The following PLCD1 variants were observed in gnomAD, a reference collection of about 807,000 sequenced individuals.
PLCD1 encodes the protein phospholipase C delta 1, also known as 1-phosphatidylinositol 4,5-bisphosphate phosphodiesterase delta-1.
PLCD1 carries 71 observed loss-of-function variants against 87.4 expected under a neutral mutation model. The observed-to-expected ratio is 0.81, with a 90% CI of 0.67 to 0.99. The LOEUF is 0.99. Among genes scored for constraint, PLCD1 ranks in the 50% least tolerant of loss-of-function variants. The pLI is 0.00. For synonymous variants in PLCD1, 348 were observed against 399.2 expected (o/e 0.87, Z 1.53); for missense variants, 867 against 1,001.5 (o/e 0.87, Z 1.81).
rs72864000 is a variant in PLCD1 at position 38,016,894 on chromosome 3, G to C, written c.200-175C>G. 6.0e-4 allele frequency among the ~76,000 whole-genome samples: 92 copies of C among 152,220 alleles called. No individual in the cohort carries two copies. The South Asian group carries it at 0.018, about 30-fold the overall frequency. Reference sequence around the variant, plus strand: ...GAGAGGGGCAGGAGGTTGGACAAGTGGGGGACAAAAAGGAGAAAGGAAGAC... The same window carrying C: ...GAGAGGGGCAGGAGGTTGGACAAGTCGGGGACAAAAAGGAGAAAGGAAGAC... On this transcript the variant is annotated intron_variant, in intron 2 of 14. Transcript: ENST00000334661.
chr3:38,015,621 A>T (rs1289015912), intron 3 of PLCD1, among the ~76,000 whole-genome samples: 3 of 152,232 alleles, frequency 2.0e-5, no homozygotes. Flanking sequence ...TGCCATAAAA[A>T]ATGGAGAGAG....
At chr3:38,021,430 G>A (rs530196149) in intron 1 of PLCD1, among the ~76,000 whole-genome samples, 2 of 152,256 alleles carry the variant, frequency 1.3e-5, no homozygotes, top group East Asian at 1.9e-4. Flanking sequence ...TGCTCTCAGA[G>A]GTGTGGGCTC....
intron 1 of PLCD1, among the ~76,000 whole-genome samples, chr3:38,022,365 C>A (rs1700247993): frequency 6.6e-6 from 1 of 152,210 alleles, no homozygotes; most frequent in African/African-American, 2.4e-5. Context: ...CCTCCGGCCT[C>A]CGGCGGGGAA....
chr3:38,019,871 A>C (rs543653702), intron 2 of PLCD1, among the ~76,000 whole-genome samples: 2 of 152,188 alleles, frequency 1.3e-5, no homozygotes, highest in African/African-American at 4.8e-5. Context: ...GGCTGTCCCC[A>C]TCTGTGGTCA....
chr3:38,009,000 AAACCCTCCTCC>A, intron 11 of PLCD1, 31 bp downstream of exon 11: 2 of 1,537,822 alleles, frequency 1.3e-6, no homozygotes, highest in African/African-American at 2.7e-5. Flanking sequence ...CTTGGGACTG[AAACCCTCCTCC>A]AGGCCTCCTC....
intron 1 of PLCD1, among the ~76,000 whole-genome samples, chr3:38,027,277 C>A (rs1700319795): frequency 1.3e-5 from 2 of 152,152 alleles, no homozygotes; most frequent in Admixed American, 1.3e-4. Flanking sequence ...CAGATGGCAA[C>A]TCATAGGGCA....
At position 38,010,235 on chromosome 3, in the gene PLCD1, A is replaced by G; in HGVS notation, c.1033T>C (p.Trp345Arg). The stretch of plus-strand genomic sequence containing the variant: ...ATTGGTTCCTGGTTGGGCCCGTCCC[A>G]GCAGTCAAGCTCCAGGCATCGGCAG... ...KGCRCLELDCWDGPNQEPIIY... is the reference protein window; with the variant it reads ...KGCRCLELDCRDGPNQEPIIY... The change falls in exon 7 of 15, where the codon TGG (tryptophan) becomes CGG (arginine). Residue 345 changes from tryptophan (W) to arginine (R), a missense_variant. Transcript: ENST00000334661. 6.2e-7 allele frequency: 1 copy of G among 1,614,224 alleles called. No individual in the cohort carries two copies. The highest frequency in any genetic ancestry group is 1.1e-5 in the South Asian group (1 of 91,082).
intron 2 of PLCD1, 53 bp downstream of exon 2, chr3:38,020,135 C>T: frequency 6.6e-7 from 1 of 1,506,790 alleles, no homozygotes; most frequent in South Asian, 1.1e-5. Context: ...ATTTACCCAG[C>T]CCTGAGCAGA....
At position 38,025,370 on chromosome 3, in the gene PLCD1, A is replaced by C. The variant is rs891984358; in HGVS notation, c.34+4136T>G. Among the ~76,000 whole-genome samples the C allele has an allele frequency of 6.6e-6, 1 of 152,142 alleles. No individual in the cohort carries two copies. The highest frequency in any genetic ancestry group is 2.4e-5 in the African/African-American group (1 of 41,458). ...GGGGAGAAAAGCTGAGGGGAGTCCCAGTGGGAGGTGGATGGCAGTCTAGCG... is the reference window on the plus strand; with the variant it reads ...GGGGAGAAAAGCTGAGGGGAGTCCCCGTGGGAGGTGGATGGCAGTCTAGCG... On this transcript the variant is annotated intron_variant, in intron 1 of 14. Transcript: ENST00000334661. The surrounding 1 kb of genome is among the most constrained non-coding windows in gnomAD (Gnocchi z 4.0).
In PLCD1 at chr3:38,029,486, C is replaced by G; in HGVS notation, c.34+20G>C. 6.5e-7 allele frequency: 1 copy of G among 1,538,146 alleles called. No individual in the cohort carries two copies. The highest frequency in any genetic ancestry group is 8.7e-7 in the Non-Finnish European group (1 of 1,145,300). On this transcript the variant is annotated intron_variant, in intron 1 of 14. Transcript: ENST00000334661. The stretch of plus-strand genomic sequence containing the variant: ...GTCCACCCCTGCAGGGTCTCCCGCT[C>G]GCGCGGGCCAGGCACTCACCGTGCA...
At chr3:38,008,679 G>A in intron 11 of PLCD1, 43 bp from the exon 12 acceptor site, 1 of 1,578,810 alleles carries the variant, frequency 6.3e-7, no homozygotes, top group East Asian at 2.2e-5. Flanking sequence ...GGCTGGCCCT[G>A]GGGCCCTAGA....
chr3:38,021,911 T>A (rs528676943), intron 1 of PLCD1, among the ~76,000 whole-genome samples: 4 of 152,264 alleles, frequency 2.6e-5, no homozygotes, highest in South Asian at 2.1e-4. Context: ...GTCCCACATA[T>A]CTTCAGGGCT....
chr3:38,010,525 G>A lies in PLCD1; in HGVS notation c.828C>T (p.Leu276=), dbSNP rs1385027763. 17 of 1,614,012 alleles carry A rather than the reference G, an allele frequency of 1.1e-5. No individual in the cohort carries two copies. Among genetic ancestry groups the A allele is most frequent in the Non-Finnish European group, 1.3e-5 (15 of 1,180,002 alleles). ...TGCCGTCAGCCGACAGTAAGTACATGAGGAAGCCGTCCTTGGTCATCTGCC... is the reference window on the plus strand; with the variant it reads ...TGCCGTCAGCCGACAGTAAGTACATAAGGAAGCCGTCCTTGGTCATCTGCC... The part of the protein sequence containing the change: ...AQRQMTKDGF[L]MYLLSADGSA... The change falls in exon 6 of 15, where the codon CTC becomes CTT. Residue 276 remains leucine (L), a synonymous_variant. Transcript: ENST00000334661.
At chr3:38,019,778 C>T (rs1238315101) in intron 2 of PLCD1, among the ~76,000 whole-genome samples, 1 of 152,180 alleles carries the variant, frequency 6.6e-6, no homozygotes, top group Non-Finnish European at 1.5e-5. Flanking sequence ...AGCCCTAGCT[C>T]CCACCTGGCC....
intron 1 of PLCD1, among the ~76,000 whole-genome samples, chr3:38,021,359 T>C (rs1700230976): frequency 6.6e-6 from 1 of 152,176 alleles, no homozygotes; most frequent in Non-Finnish European, 1.5e-5. Flanking sequence ...GAGCAGGTCC[T>C]GTCCCAGAGC....
chr3:38,023,730 G>C (rs1465080582), intron 1 of PLCD1, among the ~76,000 whole-genome samples: 1 of 151,818 alleles, frequency 6.6e-6, no homozygotes, highest in Non-Finnish European at 1.5e-5. Flanking sequence ...TGTCACATTG[G>C]TTATACAGTC....
Position 38,008,486 on chromosome 3 carries a change from C to T in PLCD1, c.1874G>A (p.Trp625Ter). 1 of 1,614,182 alleles carries T rather than the reference C, an allele frequency of 6.2e-7. No homozygotes were observed. Among genetic ancestry groups the T allele is most frequent in the Non-Finnish European group, 8.5e-7 (1 of 1,179,990 alleles). Reference protein sequence around the residue: ...FNPRALAQGPWWARKRLNIRV... With the variant: ...FNPRALAQGP Reference sequence around the variant, plus strand: ...GATGTTGAGCCGCTTCCGTGCCCACCAGGGCCCCTGAGCCAGGGCGCGGGG... The same window carrying T: ...GATGTTGAGCCGCTTCCGTGCCCACTAGGGCCCCTGAGCCAGGGCGCGGGG... Residue 625 changes from tryptophan (W) to a stop codon, truncating the protein, a stop_gained, in exon 12 of 15, where the codon TGG (tryptophan) becomes TAG (stop). Transcript: ENST00000334661. LOFTEE classifies it high-confidence loss of function.
At chr3:38,022,344 G>C (rs1265721610) in intron 1 of PLCD1, among the ~76,000 whole-genome samples, 1 of 152,208 alleles carries the variant, frequency 6.6e-6, no homozygotes, top group Non-Finnish European at 1.5e-5. Context: ...GGCTGCCAGA[G>C]GACAGGGCCA....
Position 38,029,500 on chromosome 3 carries a change from A to C in PLCD1, c.34+6T>G, listed in dbSNP as rs1027667207. On this transcript the variant is annotated splice_donor_region_variant and intron_variant, in intron 1 of 14. Transcript: ENST00000334661. ...GGTCTCCCGCTCGCGCGGGCCAGGC[A>C]CTCACCGTGCAGGGTCAGGAAGTCC... 4.8e-5 allele frequency: 74 copies of C among 1,539,240 alleles called. No individual in the cohort carries two copies. The highest frequency in any genetic ancestry group is 2.1e-4 in the Middle Eastern group (1 of 4,744).
Sources: allele counts gnomAD v4.1 joint callset (sites outside exome capture counted in the v4.1 genomes callset), GRCh38; gene constraint gnomAD v4.1.1; non-coding constraint Gnocchi (gnomAD v3.1); transcripts MANE v1.5; gene names NCBI Gene and HGNC (gene_info 2026-07-23, HGNC 2026-07-21).